The following FCHSD2 variants were observed in gnomAD, a reference collection of about 807,000 sequenced individuals.
The protein encoded by FCHSD2 is FCH and double SH3 domains 2.
In FCHSD2, 38 loss-of-function variants were observed where a neutral mutation model predicts 108.1. The ratio of observed to expected loss-of-function variants is 0.35; its 90% CI spans 0.27 to 0.46. The LOEUF (loss-of-function observed/expected upper bound fraction) is 0.46, where lower values mean the gene tolerates loss of function less well. Ranked by LOEUF, FCHSD2 falls within the 20% of genes least tolerant of loss-of-function variation. The pLI is 1.00. For missense variants in FCHSD2, 751 were observed against 897.8 expected (o/e 0.84, Z 2.09); for synonymous variants, 279 against 314.7 (o/e 0.89, Z 1.20).
At chr11:73,019,752 T>G (rs980359169) in intron 3 of FCHSD2, among the ~76,000 whole-genome samples, 1 of 152,186 alleles carries the variant, frequency 6.6e-6, no homozygotes, top group Non-Finnish European at 1.5e-5. Context: ...TAAATAATAT[T>G]GCACATTTCT....
intron 8 of FCHSD2, among the ~76,000 whole-genome samples, chr11:72,934,292 C>T (rs1014289756): frequency 1.3e-5 from 2 of 150,330 alleles, no homozygotes; most frequent in African/African-American, 4.9e-5. Flanking sequence ...CAGACATGCA[C>T]AAACTTCAAT....
intron 3 of FCHSD2, among the ~76,000 whole-genome samples, chr11:73,034,362 T>C (rs1858437144): frequency 1.3e-5 from 2 of 152,370 alleles, no homozygotes; most frequent in South Asian, 2.1e-4. Flanking sequence ...TCATGTAGCC[T>C]GTCTGATTTG....
chr11:72,921,928 T>C lies in FCHSD2; in HGVS notation c.728A>G (p.Asp243Gly), dbSNP rs1473267759. The stretch of plus-strand genomic sequence containing the variant: ...GGCTATTAAATAATCCTTGAGATGA[T>C]CATACACATTTCCATCAAGAGCCTG... ...IMKALDGNVYDHLKDYLIAFS... is the reference protein window; with the variant it reads ...IMKALDGNVYGHLKDYLIAFS... Residue 243 changes from aspartate to glycine, a missense_variant, in exon 9 of 20, where the codon GAT (aspartate) becomes GGT (glycine). Physicochemically the swap from Asp to Gly is moderately conservative, Grantham distance 94. Coordinates refer to ENST00000409418, the MANE Select transcript of FCHSD2 (RefSeq NM_014824.3). 1.3e-6 allele frequency: 2 copies of C among 1,594,648 alleles called. No homozygotes were observed. The highest frequency in any genetic ancestry group is 1.1e-5 in the South Asian group (1 of 88,512).
chr11:73,127,489 G>C (rs1046285724), intron 2 of FCHSD2, among the ~76,000 whole-genome samples: 2 of 152,130 alleles, frequency 1.3e-5, no homozygotes, highest in Non-Finnish European at 2.9e-5. Context: ...GAAAAGCCAA[G>C]AACACGAGCC....
intron 8 of FCHSD2, among the ~76,000 whole-genome samples, chr11:72,958,885 T>C (rs879925848): frequency 2.6e-5 from 4 of 152,200 alleles, no homozygotes; most frequent in Non-Finnish European, 5.9e-5. Flanking sequence ...CCAAAACAAC[T>C]TACCCATTTC....
chr11:72,993,393 G>A (rs1857456914), intron 5 of FCHSD2, among the ~76,000 whole-genome samples: 1 of 152,242 alleles, frequency 6.6e-6, no homozygotes, highest in Non-Finnish European at 1.5e-5. Flanking sequence ...ATTTGACCCA[G>A]CCATCCCATT....
At chr11:73,071,787 G>A (rs1207258667) in intron 3 of FCHSD2, among the ~76,000 whole-genome samples, 1 of 152,080 alleles carries the variant, frequency 6.6e-6, no homozygotes, top group Non-Finnish European at 1.5e-5. Flanking sequence ...TTGTCTTGGT[G>A]TCCACAATTA....
intron 15 of FCHSD2, 52 bp from the exon 16 acceptor site, chr11:72,843,380 G>A: frequency 6.2e-7 from 1 of 1,608,410 alleles, no homozygotes; most frequent in Middle Eastern, 1.7e-4. Flanking sequence ...TTTAGACAGG[G>A]CACAACAAAG....
intron 8 of FCHSD2, chr11:72,940,548 T>A: frequency 9.5e-7 from 1 of 1,052,106 alleles, no homozygotes; most frequent in East Asian, 2.4e-5. Context: ...AGTAGTCTCA[T>A]GTCATGCGCT....
At chr11:72,906,789 G>GT (rs1231717072) in intron 9 of FCHSD2, among the ~76,000 whole-genome samples, 1 of 152,156 alleles carries the variant, frequency 6.6e-6, no homozygotes, top group African/African-American at 2.4e-5. Context: ...CTATGTATCT[G>GT]TTTTGGTACC....
chr11:72,959,062 A>G (rs909199659), intron 8 of FCHSD2, among the ~76,000 whole-genome samples: 33 of 151,844 alleles, frequency 2.2e-4, no homozygotes, highest in Admixed American at 1.9e-3. Flanking sequence ...ATCTCCTTAC[A>G]TATCAGAATC....
chr11:72,990,649 T>C (rs1340358817), intron 5 of FCHSD2, among the ~76,000 whole-genome samples: 1 of 152,190 alleles, frequency 6.6e-6, no homozygotes, highest in African/African-American at 2.4e-5. Flanking sequence ...AGATGTTTTC[T>C]TTGAAACCAA....
chr11:72,984,769 C>T (rs750700686), intron 7 of FCHSD2, among the ~76,000 whole-genome samples: 3 of 152,194 alleles, frequency 2.0e-5, no homozygotes, highest in Non-Finnish European at 4.4e-5. Flanking sequence ...TAGAGCTTTC[C>T]AAAGCCCCCG....
intron 12 of FCHSD2, among the ~76,000 whole-genome samples, chr11:72,880,403 A>G (rs1855059373): frequency 6.6e-6 from 1 of 152,176 alleles, no homozygotes; most frequent in Non-Finnish European, 1.5e-5. Flanking sequence ...ACAAATACAG[A>G]CACACAGACC....
intron 14 of FCHSD2, among the ~76,000 whole-genome samples, chr11:72,848,690 GTGCCTGGGATA>G (rs888786400): frequency 5.3e-5 from 8 of 152,210 alleles, no homozygotes; most frequent in African/African-American, 1.7e-4. Flanking sequence ...ACGCAGGGAT[GTGCCTGGGATA>G]TGCCAACAGA....
At chr11:72,907,985 A>G (rs886304479) in intron 9 of FCHSD2, among the ~76,000 whole-genome samples, 1 of 152,098 alleles carries the variant, frequency 6.6e-6, no homozygotes, top group Non-Finnish European at 1.5e-5. Context: ...CTATCTAACT[A>G]TATTTTTTAT....
chr11:72,919,364 G>A (rs1035675616), intron 9 of FCHSD2, among the ~76,000 whole-genome samples: 1 of 152,142 alleles, frequency 6.6e-6, no homozygotes, highest in Non-Finnish European at 1.5e-5. Context: ...ATACTCATAT[G>A]AGTGAATGCA....
At chr11:72,986,615 T>C (rs1396398131) in intron 6 of FCHSD2, among the ~76,000 whole-genome samples, 2 of 152,212 alleles carry the variant, frequency 1.3e-5, no homozygotes, top group African/African-American at 4.8e-5. Context: ...AGACTGTGTT[T>C]GGGGATATTC....
intron 8 of FCHSD2, among the ~76,000 whole-genome samples, chr11:72,982,801 T>G (rs1264497463): frequency 6.6e-6 from 1 of 152,194 alleles, no homozygotes; most frequent in Non-Finnish European, 1.5e-5. Context: ...CAAATAGTAA[T>G]GTGCAATTTT....
Sources: allele counts gnomAD v4.1 joint callset (sites outside exome capture counted in the v4.1 genomes callset), GRCh38; gene constraint gnomAD v4.1.1; transcripts MANE v1.5; gene names NCBI Gene and HGNC (gene_info 2026-07-23, HGNC 2026-07-21).